The following RGS7 variants were observed in gnomAD, a reference collection of about 807,000 sequenced individuals.
RGS7 encodes the protein regulator of G protein signaling 7.
In RGS7, 27 loss-of-function variants were observed where a neutral mutation model predicts 81.1. The ratio of observed to expected loss-of-function variants is 0.33; its 90% CI spans 0.25 to 0.46. The LOEUF is 0.46. Among genes scored for constraint, RGS7 ranks in the 20% least tolerant of loss-of-function variants. The probability of loss-of-function intolerance (pLI) is 1.00; values close to 1 mark genes in which losing one functional copy is unlikely to be tolerated. For missense variants in RGS7, 396 were observed against 607.4 expected, an observed-to-expected ratio of 0.65 and a Z score of 3.66; for synonymous variants, 208 against 207.7, an observed-to-expected ratio of 1.00 and a Z score of -0.01.
intron 4 of RGS7, among the ~76,000 whole-genome samples, chr1:240,969,669 T>C (rs1010973223): frequency 1.3e-5 from 2 of 152,270 alleles, no homozygotes; most frequent in Non-Finnish European, 2.9e-5. Context: ...ACTCTGGGAC[T>C]GGCATTTATA....
At chr1:241,133,262 T>C (rs1360748798) in intron 2 of RGS7, among the ~76,000 whole-genome samples, 1 of 151,820 alleles carries the variant, frequency 6.6e-6, no homozygotes, top group Non-Finnish European at 1.5e-5. Context: ...CAGCAATAAA[T>C]GAAATCGACT....
chr1:240,984,439 A>C (rs12723522), intron 3 of RGS7, among the ~76,000 whole-genome samples: 55,692 of 152,038 alleles, frequency 0.37, 11,847 homozygotes, highest in East Asian at 0.62. Flanking sequence ...TATAAAGGTT[A>C]TAAGTAGGAG....
intron 3 of RGS7, among the ~76,000 whole-genome samples, chr1:241,048,751 A>G (rs911590202): frequency 6.6e-6 from 1 of 152,176 alleles, no homozygotes; most frequent in African/African-American, 2.4e-5. Context: ...CTTATGCATC[A>G]TATGAGCTTT....
rs1157832605 is a variant in RGS7 at position 241,271,277 on chromosome 1, T to G, written c.78+84422A>C. Among the ~76,000 whole-genome samples, 2 of 152,204 alleles carry G rather than the reference T, an allele frequency of 1.3e-5. No homozygotes were observed. Among genetic ancestry groups the G allele is most frequent in the African/African-American group, 4.8e-5 (2 of 41,452 alleles). On this transcript the variant is annotated intron_variant, in intron 2 of 18. Coordinates refer to ENST00000440928, the MANE Select transcript of RGS7 (RefSeq NM_001364886.1). The surrounding 1 kb of genome is among the most constrained non-coding windows in gnomAD (Gnocchi z 4.6). Reference sequence around the variant, plus strand: ...ACCCAAGAATGACCTCCAAGTTTCCTGACATACTTGACGGGGGAGACTGGT... The same window carrying G: ...ACCCAAGAATGACCTCCAAGTTTCCGGACATACTTGACGGGGGAGACTGGT...
chr1:240,786,178 AAGAAAACAT>A (rs1685031750), intron 18 of RGS7, among the ~76,000 whole-genome samples: 3 of 152,228 alleles, frequency 2.0e-5, no homozygotes, highest in Admixed American at 6.5e-5. Context: ...AAAGAAAATG[AAGAAAACAT>A]AGAAAAAAGA....
chr1:241,304,384 G>A (rs1387783318), intron 2 of RGS7, among the ~76,000 whole-genome samples: 1 of 152,206 alleles, frequency 6.6e-6, no homozygotes, highest in Non-Finnish European at 1.5e-5. Context: ...TCTGGAAGTA[G>A]AGAGAAGCAA....
At chr1:241,341,839 C>A (rs1341524588) in intron 2 of RGS7, among the ~76,000 whole-genome samples, 2 of 150,846 alleles carry the variant, frequency 1.3e-5, no homozygotes, top group Non-Finnish European at 3.0e-5. Flanking sequence ...GGATTCAAAT[C>A]CACACAGGTA....
At chr1:240,837,745 A>C (rs12408427) in intron 9 of RGS7, among the ~76,000 whole-genome samples, 60,611 of 152,090 alleles carry the variant, frequency 0.4, 13,430 homozygotes, top group Non-Finnish European at 0.5. Flanking sequence ...TGAACTGGAG[A>C]AAACAATCTT....
At chr1:241,171,122 T>C (rs1410266576) in intron 2 of RGS7, among the ~76,000 whole-genome samples, 1 of 152,232 alleles carries the variant, frequency 6.6e-6, no homozygotes, top group Admixed American at 6.5e-5. Context: ...TTATGTTCTA[T>C]TTAAAACGGA....
At chr1:241,004,245 G>A (rs2058573082) in intron 3 of RGS7, among the ~76,000 whole-genome samples, 2 of 152,244 alleles carry the variant, frequency 1.3e-5, no homozygotes, top group Middle Eastern at 6.8e-3. Context: ...ACTTGCAGTT[G>A]CCATCCCCAG....
chr1:241,046,305 C>CA (rs2060923421), intron 3 of RGS7, among the ~76,000 whole-genome samples: 3 of 10,484 alleles, frequency 2.9e-4, no homozygotes, highest in African/African-American at 4.1e-4. Flanking sequence ...AGCCCTGACC[C>CA]CCCCCCCCTT....
chr1:241,188,673 A>G (rs2072340110), intron 2 of RGS7, among the ~76,000 whole-genome samples: 1 of 152,330 alleles, frequency 6.6e-6, no homozygotes, highest in South Asian at 2.1e-4. Flanking sequence ...TAGTCTTGGA[A>G]CACTAAGAAA....
At chr1:241,026,240 G>A (rs945487378) in intron 3 of RGS7, among the ~76,000 whole-genome samples, 39 of 152,166 alleles carry the variant, frequency 2.6e-4, no homozygotes, top group African/African-American at 9.4e-4. Flanking sequence ...TTTGTTGACT[G>A]AATAAATGTA....
intron 2 of RGS7, among the ~76,000 whole-genome samples, chr1:241,187,795 G>T (rs1006584155): frequency 2.0e-5 from 3 of 152,174 alleles, no homozygotes; most frequent in Non-Finnish European, 2.9e-5. Flanking sequence ...GCTTCACCTT[G>T]AAGCATGTTT....
chr1:240,913,333 G>A (rs1480954742), intron 6 of RGS7, among the ~76,000 whole-genome samples: 3 of 152,162 alleles, frequency 2.0e-5, no homozygotes, highest in Non-Finnish European at 4.4e-5. Flanking sequence ...GGGTAAGAGA[G>A]TAAATCAGAT....
At chr1:240,816,266 A>G (rs1558297500) in intron 11 of RGS7, 51 bp downstream of exon 11, 14 of 1,168,452 alleles carry the variant, frequency 1.2e-5, no homozygotes, top group Non-Finnish European at 1.8e-5. Flanking sequence ...TCTGGTTTTC[A>G]TAGCTGTTAC....
At chr1:241,045,751 C>T (rs948340186) in intron 3 of RGS7, among the ~76,000 whole-genome samples, 2 of 152,182 alleles carry the variant, frequency 1.3e-5, no homozygotes, top group African/African-American at 4.8e-5. Context: ...CATTGCAACT[C>T]CTCCTTGTTT....
rs531044310 is a variant in RGS7 at position 240,811,146 on chromosome 1, G to A, written c.1082+772C>T. ...AAATGAATTTTACAGGACTGCATAA[G>A]TCATGGAAAAGTAAAAATTGGGCAT... On this transcript the variant is annotated intron_variant, in intron 14 of 18. Transcript: ENST00000440928. Among the ~76,000 whole-genome samples, 76 of 152,244 alleles carry A rather than the reference G, an allele frequency of 5.0e-4. 2 individuals are homozygous for A. In the South Asian group the frequency reaches 0.016, roughly 31 times the overall value.
At chr1:240,909,661 T>G (rs1162177617) in intron 6 of RGS7, among the ~76,000 whole-genome samples, 2 of 152,224 alleles carry the variant, frequency 1.3e-5, no homozygotes, top group African/African-American at 4.8e-5. Context: ...ACAGAAGTAG[T>G]AGGCCAATAG....
Sources: gnomAD v4.1 joint callset for allele counts (sites outside exome capture counted in the v4.1 genomes callset) on GRCh38, gnomAD v4.1.1 for gene constraint, Gnocchi (gnomAD v3.1) non-coding constraint, MANE v1.5 for transcripts, NCBI Gene and HGNC (gene_info 2026-07-23, HGNC 2026-07-21) for gene names.